Variants in EVI5L observed in about 807,000 individuals in gnomAD.
The protein encoded by EVI5L is EVI5-like protein.
In EVI5L, 30 loss-of-function variants were observed where a neutral mutation model predicts 106.1. That is an observed-to-expected ratio of 0.28 (90% CI 0.21 to 0.38). The LOEUF is 0.38. Ranked by LOEUF, EVI5L falls within the 10% of genes least tolerant of loss-of-function variation. The pLI is 1.00. For synonymous variants in EVI5L, 489 were observed against 483.3 expected, an observed-to-expected ratio of 1.01 and a Z score of -0.15; for missense variants, 809 against 1,098.0, an observed-to-expected ratio of 0.74 and a Z score of 3.72.
rs949525130 is a variant in EVI5L at position 7,858,441 on chromosome 19, C to T, written c.1374+110C>T. ...ATCTGCCCCGCCTCAGCACCTGGCC[C>T]TCCTGTTCCTTTCTGGGGTAAGGGG... On this transcript the variant is annotated intron_variant, in intron 13 of 19. Transcript: ENST00000538904. The surrounding 1 kb of genome is among the most constrained non-coding windows in gnomAD (Gnocchi z 5.7). 24 of 1,366,428 alleles carry T rather than the reference C, an allele frequency of 1.8e-5. No individual in the cohort carries two copies. In the African/African-American group the frequency reaches 3.2e-4, roughly 18 times the overall value. The allele number at this position is 1,366,428 out of a possible 1,614,324, so 84.6% of individuals were successfully genotyped here.
chr19:7,847,954 G>A (rs201715914), intron 3 of EVI5L, 33 bp downstream of exon 3: 23 of 1,517,366 alleles, frequency 1.5e-5, no homozygotes, highest in East Asian at 2.5e-5. Context: ...GGGCTGGGCC[G>A]ACGGCGTGGG....
intron 17 of EVI5L, among the ~76,000 whole-genome samples, chr19:7,862,736 G>GCC (rs1979891661): frequency 1.2e-3 from 58 of 47,948 alleles, no homozygotes; most frequent in Admixed American, 3.0e-3. Flanking sequence ...CCCGCCTCCT[G>GCC]ACCACCCCCC....
intron 1 of EVI5L, among the ~76,000 whole-genome samples, chr19:7,838,074 T>G (rs1978423664): frequency 1.4e-5 from 1 of 69,410 alleles, no homozygotes; most frequent in South Asian, 7.5e-4. Flanking sequence ...CTGTCTGGTG[T>G]GTTTATTTTT....
chr19:7,849,435 C>G, intron 5 of EVI5L, 105 bp downstream of exon 5: 2 of 1,245,174 alleles, frequency 1.6e-6, no homozygotes, highest in Non-Finnish European at 2.3e-6. Context: ...CAGCGTCTTG[C>G]TAGGGGTAGA....
At chr19:7,862,843 G>C in intron 17 of EVI5L, 129 bp from the exon 18 acceptor site, 1 of 313,016 alleles carries the variant, frequency 3.2e-6, no homozygotes, top group East Asian at 1.5e-4. Context: ...GCCCCTGCCC[G>C]CGGTCCTGCC....
chr19:7,831,163 C>A (rs1978291892), intron 1 of EVI5L, among the ~76,000 whole-genome samples: 2 of 151,012 alleles, frequency 1.3e-5, no homozygotes, highest in South Asian at 4.2e-4. Context: ...TCAAGACCTC[C>A]CGTTGGATAT....
rs558652749 is a variant in EVI5L, at chr19:7,842,702, G to A, written c.-47-3794G>A. 5.9e-5 allele frequency among the ~76,000 whole-genome samples: 9 copies of A among 152,180 alleles called. No homozygotes were observed. In the East Asian group the frequency reaches 1.7e-3, roughly 29 times the overall value. On this transcript the variant is annotated intron_variant, in intron 1 of 19. Coordinates refer to ENST00000538904, the MANE Select transcript of EVI5L (RefSeq NM_001159944.3). ...TGTGTGTGCAAATTGTGTATCAAGT[G>A]TGTGGATGTGCACGAGTATGTGTGT...
intron 1 of EVI5L, among the ~76,000 whole-genome samples, chr19:7,842,898 TTGAG>T (rs1434717612): frequency 5.9e-5 from 9 of 151,946 alleles, no homozygotes; most frequent in East Asian, 1.9e-4. Context: ...TATGTGTGTA[TTGAG>T]TGTGTGCATG....
chr19:7,862,800 G>A (rs1979902350), intron 17 of EVI5L, among the ~76,000 whole-genome samples, 172 bp from the exon 18 acceptor site: 1 of 73,644 alleles, frequency 1.4e-5, no homozygotes, highest in Non-Finnish European at 2.6e-5. Flanking sequence ...CTCCTGACCC[G>A]CCCCCGCCCG....
At position 7,850,143 on chromosome 19, in the gene EVI5L, G is replaced by A. The variant is rs751796861; in HGVS notation, c.753+21G>A. The A allele has an allele frequency of 6.9e-6, 11 of 1,592,660 alleles. No homozygotes were observed. The highest frequency in any genetic ancestry group is 4.5e-5 in the South Asian group (4 of 88,036). ...TGCAGGTGAGCAGGGCCGCAGGAGAGCAGGGCTGCAGGAGGGCAGGGCCAC... is the reference window on the plus strand; with the variant it reads ...TGCAGGTGAGCAGGGCCGCAGGAGAACAGGGCTGCAGGAGGGCAGGGCCAC... On this transcript the variant is annotated intron_variant, in intron 6 of 19. Coordinates refer to ENST00000538904, the MANE Select transcript of EVI5L (RefSeq NM_001159944.3). This position sits in a 1 kb window ranked among gnomAD's most constrained non-coding sequence, Gnocchi z 5.4.
intron 1 of EVI5L, among the ~76,000 whole-genome samples, chr19:7,843,257 T>C (rs1568235070): frequency 2.8e-5 from 4 of 141,666 alleles, no homozygotes; most frequent in African/African-American, 1.1e-4. Flanking sequence ...TGTGTATAGG[T>C]GTGTGTGAGA....
rs376408432 is a variant in EVI5L at position 7,849,044 on chromosome 19, G to A, written c.451G>A (p.Glu151Lys). ...GCTGCTCAAGATGTCCTCGCCGTGC[G>A]AGAAGCTGATCCGCAGGGACATCGC... Reference protein sequence around the residue: ...SELLKMSSPCEKLIRRDIART... With the variant: ...SELLKMSSPCKKLIRRDIART... The change falls in exon 4 of 20, where the codon GAG becomes AAG. Residue 151 changes from glutamate to lysine, a missense_variant. Glu to Lys is a moderately conservative substitution (Grantham distance 56, BLOSUM62 1). Transcript: ENST00000538904. The A allele has an allele frequency of 2.5e-6, 4 of 1,613,580 alleles. No individual in the cohort carries two copies. The highest frequency in any genetic ancestry group is 1.1e-5 in the South Asian group (1 of 91,050).
At position 7,857,439 on chromosome 19, in the gene EVI5L, C is replaced by A. The variant is rs967286939; in HGVS notation, c.1233+315C>A. 8 of 545,950 alleles carry A rather than the reference C, an allele frequency of 1.5e-5. No individual in the cohort carries two copies. Among genetic ancestry groups the A allele is most frequent in the Non-Finnish European group, 2.6e-5 (8 of 302,058 alleles). The allele number at this position is 545,950 out of a possible 1,614,324, so 33.8% of individuals were successfully genotyped here. On this transcript the variant is annotated intron_variant, in intron 12 of 19. Coordinates refer to ENST00000538904, the MANE Select transcript of EVI5L (RefSeq NM_001159944.3). The surrounding 1 kb of genome is among the most constrained non-coding windows in gnomAD (Gnocchi z 4.5). ...GGGCTGGGGAACCTAAAACCATATT[C>A]ACATAAGGCCCTGGTGTGTGCAGTG...
chr19:7,834,060 T>C (rs1471412964), intron 1 of EVI5L, among the ~76,000 whole-genome samples: 1 of 152,150 alleles, frequency 6.6e-6, no homozygotes, highest in Non-Finnish European at 1.5e-5. Flanking sequence ...TTGATTGAAA[T>C]CTGAGGCCCG....
rs1036477678 is a variant in EVI5L at position 7,845,764 on chromosome 19, G to T, written c.-47-732G>T. ...AGCCCCCAGAAGGGTCGGGCCAGAT[G>T]ACACGGCAAAAAGATAGGAGAGATG... is the stretch of plus-strand genomic sequence containing the variant. On this transcript the variant is annotated intron_variant, in intron 1 of 19. Transcript: ENST00000538904. The surrounding 1 kb of genome is among the most constrained non-coding windows in gnomAD (Gnocchi z 4.0). Among the ~76,000 whole-genome samples the T allele has an allele frequency of 3.9e-5, 6 of 152,206 alleles. No individual in the cohort carries two copies. The East Asian group carries it at 9.6e-4, about 24-fold the overall frequency.
Position 7,848,888 on chromosome 19 carries a change from A to C in EVI5L, c.328-33A>C, listed in dbSNP as rs1360364489. On this transcript the variant is annotated intron_variant, in intron 3 of 19. Coordinates refer to ENST00000538904, the MANE Select transcript of EVI5L (RefSeq NM_001159944.3). The surrounding 1 kb of genome is among the most constrained non-coding windows in gnomAD (Gnocchi z 4.8). ...CCACGGGGAGGCTGCGCTGGGACCG[A>C]GTCCAGCCCCCGCTTCCCGCTCCCG... 1.9e-6 allele frequency: 3 copies of C among 1,592,456 alleles called. No individual in the cohort carries two copies. The highest frequency in any genetic ancestry group is 2.6e-6 in the Non-Finnish European group (3 of 1,165,864).
rs1378422427 is a variant in EVI5L, at chr19:7,840,339, A to G, written c.-47-6157A>G. On this transcript the variant is annotated intron_variant, in intron 1 of 19. Transcript: ENST00000538904. ...ACTAAAAATACAAAATTAGCCAGGC[A>G]TGGCGGCACATGCCTATAATCCCAG... 8.5e-5 allele frequency among the ~76,000 whole-genome samples: 13 copies of G among 152,160 alleles called. 1 individual carries two copies. Among genetic ancestry groups the G allele is most frequent in the Admixed American group, 7.9e-4 (12 of 15,270 alleles).
intron 1 of EVI5L, among the ~76,000 whole-genome samples, chr19:7,841,889 G>A (rs1454304711): frequency 6.6e-6 from 1 of 152,172 alleles, no homozygotes; most frequent in Non-Finnish European, 1.5e-5. Flanking sequence ...TGAGGGTCAT[G>A]GCACAGTGGG....
In EVI5L at chr19:7,863,815, T is replaced by TCGGC. The variant is rs1226720057; in HGVS notation, c.*115_*118dup. On this transcript the variant is annotated 3_prime_UTR_variant, in exon 20 of 20. Coordinates refer to ENST00000538904, the MANE Select transcript of EVI5L (RefSeq NM_001159944.3). The surrounding 1 kb of genome is among the most constrained non-coding windows in gnomAD (Gnocchi z 7.7). ...TGACAAACTACGCGCCCTCTGTGGC[T>TCGGC]CGGCCACCCCTAAAGCGAGGCCCGG... 1.9e-5 allele frequency: 26 copies of TCGGC among 1,370,852 alleles called. No homozygotes were observed. The highest frequency in any genetic ancestry group is 2.4e-5 in the Non-Finnish European group (25 of 1,053,052). The allele number at this position is 1,370,852 out of a possible 1,614,324, so 84.9% of individuals were successfully genotyped here.
Sources: gnomAD v4.1 joint callset for allele counts (sites outside exome capture counted in the v4.1 genomes callset) on GRCh38, gnomAD v4.1.1 for gene constraint, Gnocchi (gnomAD v3.1) non-coding constraint, MANE v1.5 for transcripts, NCBI Gene and HGNC (gene_info 2026-07-23, HGNC 2026-07-21) for gene names.